Variants in ACTN4 observed in about 807,000 individuals in gnomAD.
ACTN4 encodes the protein alpha-actinin-4.
A neutral mutation model predicts 114.2 loss-of-function variants in ACTN4; 18 were observed. That is an observed-to-expected ratio of 0.16 (90% CI 0.11 to 0.23). The LOEUF is 0.23. Among genes scored for constraint, ACTN4 ranks in the 10% least tolerant of loss-of-function variants. The pLI is 1.00. For missense variants in ACTN4, 722 were observed against 1,262.9 expected (o/e 0.57, Z 6.49); for synonymous variants, 515 against 506.3 (o/e 1.02, Z -0.23).
At chr19:38,702,395 C>T (rs530341743) in intron 3 of ACTN4, among the ~76,000 whole-genome samples, 9 of 152,260 alleles carry the variant, frequency 5.9e-5, no homozygotes, top group East Asian at 1.9e-4. Flanking sequence ...TGGGCATTCG[C>T]GGGAGCATTG....
chr19:38,657,298 A>G (rs1273540692), intron 1 of ACTN4, among the ~76,000 whole-genome samples: 1 of 151,932 alleles, frequency 6.6e-6, no homozygotes, highest in African/African-American at 2.4e-5. Context: ...GCGCGCCACG[A>G]CGCCCAGCTA....
intron 1 of ACTN4, among the ~76,000 whole-genome samples, chr19:38,688,552 C>A (rs1967822129): frequency 6.6e-6 from 1 of 151,934 alleles, no homozygotes; most frequent in Non-Finnish European, 1.5e-5. Context: ...GCCTGGGCAA[C>A]AGGGTGAGAC....
chr19:38,710,272 C>A lies in ACTN4; in HGVS notation c.749C>A (p.Ala250Asp). ...MLDAEDIVNTARPDEKAIMTY... is the reference protein window; with the variant it reads ...MLDAEDIVNTDRPDEKAIMTY... ...TCACTTGCAGACATCGTGAACACGGCCCGGCCCGACGAGAAGGCCATAATG... is the reference window on the plus strand; with the variant it reads ...TCACTTGCAGACATCGTGAACACGGACCGGCCCGACGAGAAGGCCATAATG... Residue 250 changes from alanine (A) to aspartate (D), a missense_variant, in exon 8 of 21, where the codon GCC (alanine) becomes GAC (aspartate). Physicochemically the swap from Ala to Asp is moderately radical, Grantham distance 126 (BLOSUM62 -2). Coordinates refer to ENST00000252699, the MANE Select transcript of ACTN4 (RefSeq NM_004924.6). 1 of 1,614,168 alleles carries A rather than the reference C, an allele frequency of 6.2e-7. No individual in the cohort carries two copies. Among genetic ancestry groups the A allele is most frequent in the Non-Finnish European group, 8.5e-7 (1 of 1,180,046 alleles).
chr19:38,731,212 TCAGGTGGAAGCC>T lies in ACTN4; in HGVS notation c.*1781_*1792del. The T allele has an allele frequency of 6.2e-7, 1 of 1,612,644 alleles. No homozygotes were observed. Among genetic ancestry groups the T allele is most frequent in the Non-Finnish European group, 8.5e-7 (1 of 1,179,970 alleles). Reference sequence around the variant, plus strand: ...GTGAGGGTCTGGGTCAGCTGGTTGTTCAGGTGGAAGCCTAGGGGGAGGCTGCTTCTGAGCCCA... The same window carrying T: ...GTGAGGGTCTGGGTCAGCTGGTTGTTTAGGGGGAGGCTGCTTCTGAGCCCA... On this transcript the variant is annotated 3_prime_UTR_variant, in exon 21 of 21. Coordinates refer to ENST00000252699, the MANE Select transcript of ACTN4 (RefSeq NM_004924.6).
chr19:38,654,348 G>A (rs546632711), intron 1 of ACTN4, among the ~76,000 whole-genome samples: 1 of 152,038 alleles, frequency 6.6e-6, no homozygotes, highest in East Asian at 1.9e-4. Context: ...GATCACGTGA[G>A]GTCAGGACTT....
chr19:38,716,194 C>G (rs535627786), intron 9 of ACTN4, among the ~76,000 whole-genome samples: 2 of 152,234 alleles, frequency 1.3e-5, no homozygotes, highest in Non-Finnish European at 2.9e-5. Flanking sequence ...TGTGAACCAG[C>G]GTGCCTGGCC....
chr19:38,714,571 C>T lies in ACTN4; in HGVS notation c.912+10C>T. On this transcript the variant is annotated intron_variant, in intron 9 of 20. Transcript: ENST00000252699. ...GAAGCTGGCCAGCGACGTGAGTGTT[C>T]CCCCAGTGAAAGTCAGGGCCACCTC... 1 of 1,613,548 alleles carries T rather than the reference C, an allele frequency of 6.2e-7. No individual in the cohort carries two copies. The highest frequency in any genetic ancestry group is 8.5e-7 in the Non-Finnish European group (1 of 1,179,686).
chr19:38,717,776 C>T lies in ACTN4; in HGVS notation c.1144-151C>T. 2 of 1,030,926 alleles carry T rather than the reference C, an allele frequency of 1.9e-6. No individual in the cohort carries two copies. The highest frequency in any genetic ancestry group is 5.2e-5 in the East Asian group (2 of 38,300). 63.9% of individuals were successfully genotyped at this position (1,030,926 alleles called of 1,614,324 possible). On this transcript the variant is annotated intron_variant, in intron 10 of 20. Coordinates refer to ENST00000252699, the MANE Select transcript of ACTN4 (RefSeq NM_004924.6). The surrounding 1 kb of genome is among the most constrained non-coding windows in gnomAD (Gnocchi z 4.0). ...TTGTACCTGCTGAGTGCTGGGGGGC[C>T]CTGTGTAGGCATCCAGGTATAATAG...
intron 1 of ACTN4, among the ~76,000 whole-genome samples, chr19:38,692,102 C>T (rs559476693): frequency 1.3e-5 from 2 of 152,162 alleles, no homozygotes; most frequent in South Asian, 4.1e-4. Flanking sequence ...TCTCCAACTG[C>T]GAAGTCAGAG....
chr19:38,724,201 C>T lies in ACTN4; in HGVS notation c.1737C>T (p.Asp579=), dbSNP rs774997762. Residue 579 remains aspartate (D), a synonymous_variant, in exon 15 of 21, where the codon GAC becomes GAT. Transcript: ENST00000252699. The surrounding 1 kb of genome is among the most constrained non-coding windows in gnomAD (Gnocchi z 7.0). ...AHDQFKSTLP[D]ADREREAILA... ...ACCAGTTCAAGTCCACCCTGCCGGA[C>T]GCCGATAGGGAGCGCGAGGCCATCC... is the stretch of plus-strand genomic sequence containing the variant. The T allele has an allele frequency of 1.7e-5, 27 of 1,613,772 alleles. No individual in the cohort carries two copies. The highest frequency in any genetic ancestry group is 1.1e-4 in the South Asian group (10 of 91,080).
At chr19:38,702,019 G>A (rs1402749229) in intron 3 of ACTN4, among the ~76,000 whole-genome samples, 2 of 152,200 alleles carry the variant, frequency 1.3e-5, no homozygotes, top group Non-Finnish European at 2.9e-5. Flanking sequence ...TGCCACAGTC[G>A]AGGTGGTTGG....
chr19:38,694,971 C>T (rs1968046625), intron 1 of ACTN4, among the ~76,000 whole-genome samples: 1 of 152,182 alleles, frequency 6.6e-6, no homozygotes, highest in Non-Finnish European at 1.5e-5. Flanking sequence ...GCCTCTCAGG[C>T]ACAAGCTGTC....
chr19:38,698,645 GC>G lies in ACTN4; in HGVS notation c.163-1954del, dbSNP rs1968169825. ...GACTTTTGAGGGGTGCCCAGGGTTG[GC>G]TACATGGCGGGGCGGAGGTATCTTT... On this transcript the variant is annotated intron_variant, in intron 1 of 20. Transcript: ENST00000252699. Among the ~76,000 whole-genome samples the G allele has an allele frequency of 2.0e-5, 3 of 152,340 alleles. No individual in the cohort carries two copies. In the East Asian group the frequency reaches 5.8e-4, roughly 29 times the overall value.
chr19:38,697,983 C>T (rs1162043365), intron 1 of ACTN4, among the ~76,000 whole-genome samples: 1 of 152,230 alleles, frequency 6.6e-6, no homozygotes, highest in Admixed American at 6.5e-5. Context: ...CCGTACTTCC[C>T]AACCCCTGGA....
intron 3 of ACTN4, among the ~76,000 whole-genome samples, chr19:38,703,001 G>A (rs1034545520): frequency 6.6e-6 from 1 of 152,094 alleles, no homozygotes; most frequent in African/African-American, 2.4e-5. Flanking sequence ...CAGCAGTGGC[G>A]CCCCTCTGTC....
At chr19:38,694,284 G>A (rs1968022267) in intron 1 of ACTN4, among the ~76,000 whole-genome samples, 1 of 149,246 alleles carries the variant, frequency 6.7e-6, no homozygotes, top group Non-Finnish European at 1.5e-5. Context: ...TTTTGAAACC[G>A]AGTCTTACTC....
chr19:38,653,255 G>C (rs558432213), intron 1 of ACTN4, among the ~76,000 whole-genome samples: 1 of 152,254 alleles, frequency 6.6e-6, no homozygotes, highest in South Asian at 2.1e-4. Flanking sequence ...TTATCTGCCA[G>C]TGCTAGTTAG....
chr19:38,689,014 C>T (rs1232013159), intron 1 of ACTN4, among the ~76,000 whole-genome samples: 6 of 152,148 alleles, frequency 3.9e-5, no homozygotes, highest in Admixed American at 2.0e-4. Context: ...TGAGCCACCA[C>T]GCCCAGCCAA....
rs1136956 is a variant in ACTN4, at chr19:38,729,140, T to C, written c.2563T>C (p.Leu855=). The C allele has an allele frequency of 0.24, 380,107 of 1,612,768 alleles. 46,915 individuals are homozygous for C. Among genetic ancestry groups the C allele is most frequent in the Middle Eastern group, 0.4 (2,401 of 6,062 alleles). Residue 855 remains leucine, a synonymous_variant, in exon 20 of 21, where the codon TTA becomes CTA. Coordinates refer to ENST00000252699, the MANE Select transcript of ACTN4 (RefSeq NM_004924.6). ...CCAGGTCATCGCTTCCTTCAAGGTC[T>C]TAGCAGGGGACAAGGTGAGCGAGAC... ...ADQVIASFKV[L]AGDKNFITAE...
Sources: gnomAD v4.1 joint callset for allele counts (sites outside exome capture counted in the v4.1 genomes callset) on GRCh38, gnomAD v4.1.1 for gene constraint, Gnocchi (gnomAD v3.1) non-coding constraint, MANE v1.5 for transcripts, NCBI Gene and HGNC (gene_info 2026-07-23, HGNC 2026-07-21) for gene names.